The following ITGA6 variants were observed in gnomAD, a reference collection of about 807,000 sequenced individuals.
ITGA6 encodes the protein integrin alpha-6.
In ITGA6, 63 loss-of-function variants were observed where a neutral mutation model predicts 133.6. That is an observed-to-expected ratio of 0.47 (90% CI 0.38 to 0.58). ITGA6 has a LOEUF of 0.58. Among genes scored for constraint, ITGA6 ranks in the 20% least tolerant of loss-of-function variants. The pLI, the probability that ITGA6 is intolerant of heterozygous loss-of-function variation, is 0.00. For synonymous variants in ITGA6, 434 were observed against 482.0 expected, an observed-to-expected ratio of 0.90 and a Z score of 1.30; for missense variants, 1,068 against 1,309.4, an observed-to-expected ratio of 0.82 and a Z score of 2.85.
upstream of ITGA6, chr2:172,427,338 G>GCTACT: frequency 1.0e-6 from 1 of 997,792 alleles, no homozygotes; most frequent in Non-Finnish European, 1.2e-6. Flanking sequence ...CTCGCTCTGT[G>GCTACT]CTACTCGGCA....
chr2:172,471,923 G>C (rs1685957439), intron 5 of ITGA6, among the ~76,000 whole-genome samples: 1 of 147,316 alleles, frequency 6.8e-6, no homozygotes, highest in East Asian at 2.0e-4. Flanking sequence ...GTGAAGAAAA[G>C]TACCCAGATG....
chr2:172,495,170 G>T (rs987098944), intron 23 of ITGA6, among the ~76,000 whole-genome samples: 2 of 152,242 alleles, frequency 1.3e-5, no homozygotes, highest in Non-Finnish European at 2.9e-5. Flanking sequence ...TTTGGCAGTT[G>T]ACAAGCTAAT....
At position 172,505,563 on chromosome 2, in the gene ITGA6, A is replaced by C. The variant is rs763616301; in HGVS notation, c.*1495A>C. 1 of 152,624 alleles carries C rather than the reference A, an allele frequency of 6.6e-6. No homozygotes were observed. The highest frequency in any genetic ancestry group is 1.5e-5 in the Non-Finnish European group (1 of 68,034). 9.5% of individuals were successfully genotyped at this position (152,624 alleles called of 1,614,324 possible). A position where few individuals can be genotyped will look rare whatever the true frequency, so the allele number is the denominator to read the frequency against. The stretch of plus-strand genomic sequence containing the variant: ...TACTCTATACATTCAACAGAGACTG[A>C]ATAGATATGAAAGCTGATTTTTTTT... On this transcript the variant is annotated 3_prime_UTR_variant, in exon 26 of 26. Transcript: ENST00000684293.
At chr2:172,445,204 C>T (rs536121967) in intron 1 of ITGA6, among the ~76,000 whole-genome samples, 12 of 151,602 alleles carry the variant, frequency 7.9e-5, no homozygotes, top group East Asian at 2.0e-4. Context: ...TGACCTCAAG[C>T]GACTGCCCGC....
At chr2:172,459,398 G>C (rs1349085152) in intron 1 of ITGA6, among the ~76,000 whole-genome samples, 1 of 152,182 alleles carries the variant, frequency 6.6e-6, no homozygotes, top group African/African-American at 2.4e-5. Flanking sequence ...CAGCTACTTG[G>C]GTGGCTGAGG....
intron 24 of ITGA6, among the ~76,000 whole-genome samples, chr2:172,498,969 C>T (rs1687240150): frequency 6.6e-6 from 1 of 152,132 alleles, no homozygotes; most frequent in South Asian, 2.1e-4. Context: ...ATTATAGTAG[C>T]ATTAGGTATG....
At chr2:172,465,224 G>C in intron 1 of ITGA6, 1 of 427,508 alleles carries the variant, frequency 2.3e-6, no homozygotes, top group Admixed American at 3.5e-5. Flanking sequence ...TAGGGGCTTA[G>C]AGGTTGTATT....
chr2:172,460,545 A>G (rs182841952), intron 1 of ITGA6, among the ~76,000 whole-genome samples: 4 of 152,354 alleles, frequency 2.6e-5, no homozygotes, highest in Admixed American at 6.5e-5. Context: ...CAATACATAT[A>G]TAATAATCCA....
intron 1 of ITGA6, among the ~76,000 whole-genome samples, chr2:172,437,574 T>A (rs1684372381): frequency 6.6e-6 from 1 of 151,982 alleles, no homozygotes; most frequent in East Asian, 1.9e-4. Flanking sequence ...GTTTTAGATA[T>A]GTCAGGTTTG....
In ITGA6 at chr2:172,506,085, T is replaced by C. The variant is rs1574428251; in HGVS notation, c.*2017T>C. 1 of 152,762 alleles carries C rather than the reference T, an allele frequency of 6.5e-6. No homozygotes were observed. Among genetic ancestry groups the C allele is most frequent in the African/African-American group, 2.4e-5 (1 of 41,572 alleles). The allele number at this position is 152,762 out of a possible 1,614,324, so 9.5% of individuals were successfully genotyped here. A position where few individuals can be genotyped will look rare whatever the true frequency, so the allele number is the denominator to read the frequency against. On this transcript the variant is annotated 3_prime_UTR_variant, in exon 26 of 26. Transcript: ENST00000684293. ...ATCTCAAGTCAAGTCACTGGTCTGT[T>C]TGCATTTGATACATTTTTGTACTAA... is the stretch of plus-strand genomic sequence containing the variant.
At position 172,474,264 on chromosome 2, in the gene ITGA6, G is replaced by C; in HGVS notation, c.985G>C (p.Gly329Arg). 1 of 1,613,130 alleles carries C rather than the reference G, an allele frequency of 6.2e-7. No individual in the cohort carries two copies. Among genetic ancestry groups the C allele is most frequent in the Non-Finnish European group, 8.5e-7 (1 of 1,179,266 alleles). Reference sequence around the variant, plus strand: ...GGCGGTGGTGGACCTCAACAAGGATGGGTGAGAAAGCCTCAGGTTATATTA... The same window carrying C: ...GGCGGTGGTGGACCTCAACAAGGATCGGTGAGAAAGCCTCAGGTTATATTA... ...DVAVVDLNKD[G>R]WQDIVIGAPQ... Residue 329 changes from glycine to arginine, a missense_variant and splice_region_variant, in exon 6 of 26, where the codon GGG (glycine) becomes CGG (arginine). Around this residue, in one of 3 missense-constraint regions of ITGA6, gnomAD observed 317 missense variants for 456.9 expected, o/e 0.69. Transcript: ENST00000684293.
chr2:172,469,166 G>A lies in ITGA6; in HGVS notation c.429G>A (p.Thr143=), dbSNP rs140628012. 7.4e-6 allele frequency: 12 copies of A among 1,614,016 alleles called. No homozygotes were observed. In the African/African-American group the frequency reaches 1.1e-4, roughly 14 times the overall value. The change falls in exon 4 of 26, where the codon ACG becomes ACA. Residue 143 remains threonine (T), a synonymous_variant. Transcript: ENST00000684293. ...HRYEKRQHVN[T]KQESRDIFGR... ...ATGAAAAAAGGCAGCATGTTAATACGAAGCAGGAATCCCGAGACATCTTTG... is the reference window on the plus strand; with the variant it reads ...ATGAAAAAAGGCAGCATGTTAATACAAAGCAGGAATCCCGAGACATCTTTG...
Position 172,427,629 on chromosome 2 carries a change from G to C in ITGA6, c.-160G>C. 1 of 1,283,774 alleles carries C rather than the reference G, an allele frequency of 7.8e-7. No individual in the cohort carries two copies. 79.5% of individuals were successfully genotyped at this position (1,283,774 alleles called of 1,614,324 possible). A position where few individuals can be genotyped will look rare whatever the true frequency, so the allele number is the denominator to read the frequency against. ...TCGCGAGCTGCCCGCGAGGGGGAGC[G>C]GCCGGACGGAGAGCGCGACCCGTCC... On this transcript the variant is annotated 5_prime_UTR_variant, in exon 1 of 26. Coordinates refer to ENST00000684293, the MANE Select transcript of ITGA6 (RefSeq NM_000210.4).
At chr2:172,431,123 G>A (rs1371105383) in intron 1 of ITGA6, among the ~76,000 whole-genome samples, 1 of 152,194 alleles carries the variant, frequency 6.6e-6, no homozygotes. Flanking sequence ...CCCGCGGTCT[G>A]TTCTGTTCTG....
In ITGA6 at chr2:172,491,207, C is replaced by A. The variant is rs751756463; in HGVS notation, c.2779-14C>A. The stretch of plus-strand genomic sequence containing the variant: ...ACAATGTCTTTTGATGACCATTCTT[C>A]TTTTTCTCTCTAGAACTGTAGCGTG... On this transcript the variant is annotated splice_polypyrimidine_tract_variant and intron_variant, in intron 21 of 25. Transcript: ENST00000684293. The surrounding 1 kb of genome is among the most constrained non-coding windows in gnomAD (Gnocchi z 4.4). 1 of 1,567,562 alleles carries A rather than the reference C, an allele frequency of 6.4e-7. No individual in the cohort carries two copies. Among genetic ancestry groups the A allele is most frequent in the Non-Finnish European group, 8.8e-7 (1 of 1,137,758 alleles).
In ITGA6 at chr2:172,475,041, A is replaced by G. The variant is rs201246910; in HGVS notation, c.1099A>G (p.Ile367Val). Residue 367 changes from isoleucine (I) to valine (V), a missense_variant, in exon 7 of 26, where the codon ATT (isoleucine) becomes GTT (valine). Around this residue, in one of 3 missense-constraint regions of ITGA6, gnomAD observed 317 missense variants for 456.9 expected, o/e 0.69. Transcript: ENST00000684293. ...AGGCAGATGGAATAATGTGAAGCCAATTCGTCTTAATGGAACCAAAGATTC... is the reference window on the plus strand; with the variant it reads ...AGGCAGATGGAATAATGTGAAGCCAGTTCGTCTTAATGGAACCAAAGATTC... ...QQGRWNNVKPIRLNGTKDSMF... is the reference protein window; with the variant it reads ...QQGRWNNVKPVRLNGTKDSMF... 1.9e-5 allele frequency: 31 copies of G among 1,608,028 alleles called. 1 individual carries two copies. The African/African-American group carries it at 3.2e-4, about 17-fold the overall frequency.
intron 13 of ITGA6, 69 bp from the exon 14 acceptor site, chr2:172,486,954 G>A: frequency 1.2e-6 from 1 of 820,602 alleles, no homozygotes; most frequent in Non-Finnish European, 2.1e-6. Flanking sequence ...GGAATAGCCA[G>A]TCACCTACAT....
At chr2:172,442,240 C>G (rs1267260797) in intron 1 of ITGA6, among the ~76,000 whole-genome samples, 1 of 152,198 alleles carries the variant, frequency 6.6e-6, no homozygotes, top group African/African-American at 2.4e-5. Flanking sequence ...GCCACTGACT[C>G]ACTCTGCTTG....
In ITGA6 at chr2:172,487,747, T is replaced by C; in HGVS notation, c.2264T>C (p.Leu755Ser). The C allele has an allele frequency of 1.2e-6, 2 of 1,612,656 alleles. No individual in the cohort carries two copies. The highest frequency in any genetic ancestry group is 1.7e-6 in the Non-Finnish European group (2 of 1,178,670). ...RNSNVTFYLVLSTTEVTFDTP... is the reference protein window; with the variant it reads ...RNSNVTFYLVSSTTEVTFDTP... ...TTTTAGGTCACTTTTTATTTGGTTT[T>C]AAGTACAACTGAAGTCACCTTTGAC... Residue 755 changes from leucine (L) to serine (S), a missense_variant, in exon 17 of 26, where the codon TTA (leucine) becomes TCA (serine). Leu to Ser is a moderately radical substitution (Grantham distance 145). Transcript: ENST00000684293.
Sources: gnomAD v4.1 joint callset for allele counts (sites outside exome capture counted in the v4.1 genomes callset) on GRCh38, gnomAD v4.1.1 for gene constraint, gnomAD v4.1.1 regional missense constraint, Gnocchi (gnomAD v3.1) non-coding constraint, MANE v1.5 for transcripts, NCBI Gene and HGNC (gene_info 2026-07-23, HGNC 2026-07-21) for gene names.